FBH1: variants seen among roughly 807,000 people sequenced by gnomAD.
FBH1 encodes DNA 3'-5' helicase 1.
A neutral mutation model predicts 115.5 loss-of-function variants in FBH1; 43 were observed. The observed-to-expected ratio is 0.37, with a 90% CI of 0.29 to 0.48. The LOEUF is 0.48. Ranked by LOEUF, FBH1 falls within the 20% of genes least tolerant of loss-of-function variation. The pLI, the probability that FBH1 is intolerant of heterozygous loss-of-function variation, is 0.99. For synonymous variants in FBH1, 524 were observed against 507.8 expected (o/e 1.03, Z -0.43); for missense variants, 1,001 against 1,337.3 (o/e 0.75, Z 3.92).
At chr10:5,907,732 C>T (rs1309225366) in intron 3 of FBH1, among the ~76,000 whole-genome samples, 3 of 152,040 alleles carry the variant, frequency 2.0e-5, no homozygotes, top group Non-Finnish European at 4.4e-5. Context: ...TCTCAGCTGC[C>T]CAAAGTGCAG....
intron 19 of FBH1, among the ~76,000 whole-genome samples, chr10:5,928,022 A>T (rs1832752205): frequency 6.7e-6 from 1 of 149,286 alleles, no homozygotes; most frequent in Non-Finnish European, 1.5e-5. Flanking sequence ...GCAGTGAGCC[A>T]AGATGGCACC....
chr10:5,893,613 T>C (rs1053425524), intron 1 of FBH1, among the ~76,000 whole-genome samples: 1 of 152,252 alleles, frequency 6.6e-6, no homozygotes, highest in Non-Finnish European at 1.5e-5. Flanking sequence ...CAACTCTTCG[T>C]GAAGCCTTTT....
intron 13 of FBH1, among the ~76,000 whole-genome samples, chr10:5,920,806 G>C (rs1832264760): frequency 1.3e-5 from 2 of 152,210 alleles, no homozygotes; most frequent in African/African-American, 4.8e-5. Context: ...AGGTTAGGAA[G>C]TGACTTTGGT....
rs755802174 is a variant in FBH1, at chr10:5,917,711, T to C, written c.1963+35T>C. On this transcript the variant is annotated intron_variant, in intron 12 of 20. Coordinates refer to ENST00000362091, the MANE Select transcript of FBH1 (RefSeq NM_178150.3). This position sits in a 1 kb window ranked among gnomAD's most constrained non-coding sequence, Gnocchi z 5.6. ...TGTTCAGGACATCAGTAGTGTCAAA[T>C]ACGTAGAAACAGCGCCATGATTATG... 1 of 1,527,254 alleles carries C rather than the reference T, an allele frequency of 6.5e-7. No individual in the cohort carries two copies. Among genetic ancestry groups the C allele is most frequent in the Non-Finnish European group, 9.1e-7 (1 of 1,104,316 alleles). 94.6% of individuals were successfully genotyped at this position (1,527,254 alleles called of 1,614,324 possible).
chr10:5,891,560 T>G (rs575209504), intron 1 of FBH1, among the ~76,000 whole-genome samples: 1 of 152,272 alleles, frequency 6.6e-6, no homozygotes, highest in East Asian at 1.9e-4. Context: ...TGTCTCTAGT[T>G]TCCCTGTTTT....
In FBH1 at chr10:5,906,702, A is replaced by G; in HGVS notation, c.753+70A>G. 8.0e-7 allele frequency: 1 copy of G among 1,251,102 alleles called. No individual in the cohort carries two copies. The highest frequency in any genetic ancestry group is 1.1e-6 in the Non-Finnish European group (1 of 897,116). The allele number at this position is 1,251,102 out of a possible 1,614,324, so 77.5% of individuals were successfully genotyped here. A position where few individuals can be genotyped will look rare whatever the true frequency, so the allele number is the denominator to read the frequency against. ...TAACTTTGCTTAATGCACGCTTATA[A>G]TCAGAGGATCTTTTCAGAAATGGTT... On this transcript the variant is annotated intron_variant, in intron 3 of 20. Coordinates refer to ENST00000362091, the MANE Select transcript of FBH1 (RefSeq NM_178150.3). The surrounding 1 kb of genome is among the most constrained non-coding windows in gnomAD (Gnocchi z 7.3).
intron 1 of FBH1, among the ~76,000 whole-genome samples, chr10:5,891,436 C>G (rs1842719980): frequency 6.6e-6 from 1 of 152,146 alleles, no homozygotes; most frequent in African/African-American, 2.4e-5. Context: ...AAGCAGTGTT[C>G]TGCTGCCGTT....
rs1183854148 is a variant in FBH1 at position 5,915,390 on chromosome 10, C to T, written c.1397-13C>T. The T allele has an allele frequency of 3.7e-6, 6 of 1,613,652 alleles. No individual in the cohort carries two copies. The African/African-American group carries it at 5.3e-5, about 14-fold the overall frequency. On this transcript the variant is annotated splice_polypyrimidine_tract_variant and intron_variant, in intron 8 of 20. Coordinates refer to ENST00000362091, the MANE Select transcript of FBH1 (RefSeq NM_178150.3). The surrounding 1 kb of genome is among the most constrained non-coding windows in gnomAD (Gnocchi z 5.2). ...GGTCAGAGGGTCACCTCCTTTCCTCCTGGCTTCCCCAGGCACTGGGAAGAC... is the reference window on the plus strand; with the variant it reads ...GGTCAGAGGGTCACCTCCTTTCCTCTTGGCTTCCCCAGGCACTGGGAAGAC...
At chr10:5,919,135 C>A (rs593026) in intron 13 of FBH1, among the ~76,000 whole-genome samples, 129,823 of 152,166 alleles carry the variant, frequency 0.85, 55,467 homozygotes, top group Admixed American at 0.89. Context: ...CTTCTTGCTG[C>A]ATTTTTTTTT....
chr10:5,901,781 CTT>C (rs1843362310), intron 1 of FBH1, among the ~76,000 whole-genome samples: 1 of 152,022 alleles, frequency 6.6e-6, no homozygotes, highest in Admixed American at 6.5e-5. Flanking sequence ...CCAGGCTGGT[CTT>C]GAGCTCTAGA....
At chr10:5,899,055 A>G (rs529189092) in intron 1 of FBH1, among the ~76,000 whole-genome samples, 1 of 152,318 alleles carries the variant, frequency 6.6e-6, no homozygotes, top group East Asian at 1.9e-4. Context: ...TACCTCTTCT[A>G]TACAAATCTG....
Position 5,924,525 on chromosome 10 carries a change from G to T in FBH1, c.2596+17G>T, listed in dbSNP as rs749703267. On this transcript the variant is annotated intron_variant, in intron 17 of 20. Coordinates refer to ENST00000362091, the MANE Select transcript of FBH1 (RefSeq NM_178150.3). The surrounding 1 kb of genome is among the most constrained non-coding windows in gnomAD (Gnocchi z 6.2). ...ACTTTGCAGGTAAGGGAAGCAGTTGGTTTTTACCTTCCCCCTAAGAGGAGG... is the reference window on the plus strand; with the variant it reads ...ACTTTGCAGGTAAGGGAAGCAGTTGTTTTTTACCTTCCCCCTAAGAGGAGG... 162 of 1,612,204 alleles carry T rather than the reference G, an allele frequency of 1.0e-4. No individual in the cohort carries two copies. In the South Asian group the frequency reaches 1.6e-3, roughly 16 times the overall value.
intron 3 of FBH1, among the ~76,000 whole-genome samples, chr10:5,907,662 T>G (rs118111911): frequency 0.017 from 2,562 of 152,096 alleles, 70 homozygotes; most frequent in East Asian, 0.1. Flanking sequence ...TTAGGAGAGA[T>G]AGGGTTTCAC....
At chr10:5,902,059 A>G (rs7091091) in intron 1 of FBH1, among the ~76,000 whole-genome samples, 13,617 of 152,176 alleles carry the variant, frequency 0.089, 643 homozygotes, top group Middle Eastern at 0.13. Flanking sequence ...TCTAGGCGCA[A>G]TTGTTGCTGT....
intron 1 of FBH1, among the ~76,000 whole-genome samples, chr10:5,898,447 A>C (rs764668797): frequency 1.3e-5 from 2 of 149,240 alleles, no homozygotes; most frequent in African/African-American, 2.5e-5. Flanking sequence ...ATCTCTCTCC[A>C]TTGTCCAGGC....
At position 5,933,015 on chromosome 10, in the gene FBH1, C is replaced by G. The variant is rs1340909236; in HGVS notation, c.2830-3441C>G. 6.6e-6 allele frequency among the ~76,000 whole-genome samples: 1 copy of G among 152,016 alleles called. No homozygotes were observed. Among genetic ancestry groups the G allele is most frequent in the Admixed American group, 6.6e-5 (1 of 15,262 alleles). ...TACAGGCATGAGCCACTGCACCTGG[C>G]CAAGTGTGACTTTTCTAGATGTTGC... On this transcript the variant is annotated intron_variant, in intron 19 of 20. Transcript: ENST00000362091. This position sits in a 1 kb window ranked among gnomAD's most constrained non-coding sequence, Gnocchi z 4.9.
chr10:5,916,828 G>A (rs959843739), intron 10 of FBH1, among the ~76,000 whole-genome samples: 12 of 152,206 alleles, frequency 7.9e-5, no homozygotes, highest in African/African-American at 2.9e-4. Flanking sequence ...TAGGCCCATG[G>A]TGATGGCTGT....
At chr10:5,893,656 C>T (rs1218174878) in intron 1 of FBH1, among the ~76,000 whole-genome samples, 1 of 152,208 alleles carries the variant, frequency 6.6e-6, no homozygotes, top group Non-Finnish European at 1.5e-5. Flanking sequence ...TGTTTCTTTA[C>T]TATCATAACA....
At chr10:5,907,544 G>T (rs140231823) in intron 3 of FBH1, among the ~76,000 whole-genome samples, 2,184 of 147,376 alleles carry the variant, frequency 0.015, 48 homozygotes, top group African/African-American at 0.052. Flanking sequence ...CTCGACTTTG[G>T]CTCACTGCAA....
Sources: gnomAD v4.1 joint callset for allele counts (sites outside exome capture counted in the v4.1 genomes callset) on GRCh38, gnomAD v4.1.1 for gene constraint, Gnocchi (gnomAD v3.1) non-coding constraint, MANE v1.5 for transcripts, NCBI Gene and HGNC (gene_info 2026-07-23, HGNC 2026-07-21) for gene names.